Variants in PAX2 observed in about 807,000 individuals in gnomAD.
PAX2 encodes the protein paired box 2.
Under a neutral mutation model 41.7 loss-of-function variants are expected in PAX2, and 9 were observed. That is an observed-to-expected ratio of 0.22 (90% CI 0.13 to 0.38). The LOEUF (loss-of-function observed/expected upper bound fraction) is 0.38, where lower values mean the gene tolerates loss of function less well. Ranked by LOEUF, PAX2 falls within the 10% of genes least tolerant of loss-of-function variation. The probability of loss-of-function intolerance (pLI) is 1.00; values close to 1 mark genes in which losing one functional copy is unlikely to be tolerated. For synonymous variants in PAX2, 221 were observed against 212.7 expected (o/e 1.04, Z -0.34); for missense variants, 418 against 531.6 (o/e 0.79, Z 2.10).
At chr10:100,798,903 C>T (rs951257747) in intron 5 of PAX2, among the ~76,000 whole-genome samples, 2 of 152,254 alleles carry the variant, frequency 1.3e-5, no homozygotes, top group African/African-American at 4.8e-5. Flanking sequence ...TGGGCCTGCA[C>T]AGGCAGGCTG....
In PAX2 at chr10:100,747,674, G is replaced by GA. The variant is rs1413141877; in HGVS notation, c.43+1371_43+1372insA. ...TTTAGCGTTGCGGGGGTTGGGGGGG[G>GA]CGTTTAAAAATACTTCTGGGATAAA... On this transcript the variant is annotated intron_variant, in intron 1 of 9. Transcript: ENST00000355243. The GA allele has an allele frequency of 8.1e-6, 8 of 984,252 alleles. No homozygotes were observed. In the Admixed American group the frequency reaches 1.8e-4, roughly 23 times the overall value. The allele number at this position is 984,252 out of a possible 1,614,324, so 61.0% of individuals were successfully genotyped here. A position where few individuals can be genotyped will look rare whatever the true frequency, so the allele number is the denominator to read the frequency against.
rs759129632 is a variant in PAX2 at position 100,745,948 on chromosome 10, G to T, written c.-313G>T. On this transcript the variant is annotated 5_prime_UTR_variant, in exon 1 of 10. Transcript: ENST00000355243. ...CCCAGCTTCAGCCCTGGCTGCAGCT[G>T]CAGCGCGAGCCATGCGCCCCCAGTG... The T allele has an allele frequency of 1.0e-4, 132 of 1,277,054 alleles. No homozygotes were observed. The highest frequency in any genetic ancestry group is 1.2e-4 in the Non-Finnish European group (126 of 1,012,032). 79.1% of individuals were successfully genotyped at this position (1,277,054 alleles called of 1,614,324 possible).
chr10:100,738,653 C>T (rs1844849957), intron 1 of PAX2, among the ~76,000 whole-genome samples: 1 of 152,204 alleles, frequency 6.6e-6, no homozygotes, highest in African/African-American at 2.4e-5. Context: ...GGGTCTAGAC[C>T]TCCCAGCCCG....
In PAX2 at chr10:100,746,216, G is replaced by A. The variant is rs371896581; in HGVS notation, c.-45G>A. 6 of 1,613,198 alleles carry A rather than the reference G, an allele frequency of 3.7e-6. No homozygotes were observed. The highest frequency in any genetic ancestry group is 5.1e-6 in the Non-Finnish European group (6 of 1,179,738). ...AGTCCTGAAGTTGAGTTTGAGAGGC[G>A]ACACGGCGGCGGCGGCCGCGCTGCT... On this transcript the variant is annotated 5_prime_UTR_variant, in exon 1 of 10. Transcript: ENST00000355243.
At position 100,764,972 on chromosome 10, in the gene PAX2, CAAAG is replaced by C. The variant is rs377653211; in HGVS notation, c.410+14082_410+14085del. ...GAGAGGAGAGAAAATGGAGATAAGA[CAAAG>C]GAAGAAGAAAGAGGAAAGGGAGAAG... is the stretch of plus-strand genomic sequence containing the variant. On this transcript the variant is annotated intron_variant, in intron 3 of 9. Coordinates refer to ENST00000355243, the MANE Select transcript of PAX2 (RefSeq NM_000278.5). Among the ~76,000 whole-genome samples, 698 of 151,888 alleles carry C rather than the reference CAAAG, an allele frequency of 4.6e-3. 5 individuals carry two copies. The highest frequency in any genetic ancestry group is 0.015 in the African/African-American group (642 of 41,422).
In PAX2 at chr10:100,748,739, C is replaced by G; in HGVS notation, c.44-1007C>G. 1.0e-6 allele frequency: 1 copy of G among 985,492 alleles called. No homozygotes were observed. The highest frequency in any genetic ancestry group is 1.2e-6 in the Non-Finnish European group (1 of 829,970). The allele number at this position is 985,492 out of a possible 1,614,324, so 61.0% of individuals were successfully genotyped here. ...TGGAGCCGGGTTGGAAACCCCGTGCCCTTCTCTTGGCCGAAAGAGCAAAAG... is the reference window on the plus strand; with the variant it reads ...TGGAGCCGGGTTGGAAACCCCGTGCGCTTCTCTTGGCCGAAAGAGCAAAAG... On this transcript the variant is annotated intron_variant, in intron 1 of 9. Coordinates refer to ENST00000355243, the MANE Select transcript of PAX2 (RefSeq NM_000278.5). The surrounding 1 kb of genome is among the most constrained non-coding windows in gnomAD (Gnocchi z 5.0).
intron 7 of PAX2, among the ~76,000 whole-genome samples, chr10:100,812,233 C>T (rs1040009247): frequency 1.3e-5 from 2 of 152,254 alleles, no homozygotes; most frequent in Admixed American, 6.5e-5. Flanking sequence ...ATTTTAATTT[C>T]ACTGCATCAC....
At chr10:100,775,617 A>C (rs531416281) in intron 3 of PAX2, among the ~76,000 whole-genome samples, 7 of 152,266 alleles carry the variant, frequency 4.6e-5, no homozygotes, top group Non-Finnish European at 1.0e-4. Context: ...TCTGGGTAAC[A>C]AAGACAGAAA....
Position 100,768,116 on chromosome 10 carries a change from A to C in PAX2, c.411-11382A>C, listed in dbSNP as rs1316122679. On this transcript the variant is annotated intron_variant, in intron 3 of 9. Transcript: ENST00000355243. ...ACACGATTGTGATGTGAAAATCTCAAACACCCCAGGAAGGGAACAATGATG... is the reference window on the plus strand; with the variant it reads ...ACACGATTGTGATGTGAAAATCTCACACACCCCAGGAAGGGAACAATGATG... Among the ~76,000 whole-genome samples the C allele has an allele frequency of 2.0e-5, 3 of 152,288 alleles. No homozygotes were observed. The East Asian group carries it at 5.8e-4, about 29-fold the overall frequency.
intron 1 of PAX2, chr10:100,747,964 C>T (rs1186146621): frequency 4.1e-6 from 4 of 983,438 alleles, no homozygotes; most frequent in Non-Finnish European, 4.8e-6. Context: ...TTCTGCACGG[C>T]CAAGCAGAGG....
rs1054482810 is a variant in PAX2 at position 100,824,224 on chromosome 10, A to T, written c.920-424A>T. On this transcript the variant is annotated intron_variant, in intron 7 of 9. Coordinates refer to ENST00000355243, the MANE Select transcript of PAX2 (RefSeq NM_000278.5). This position sits in a 1 kb window ranked among gnomAD's most constrained non-coding sequence, Gnocchi z 6.6. ...AGGGAGAGGAAAGATAAGCAAGATG[A>T]TAGAGGTCCATTTGGCTGCTGGAGA... Among the ~76,000 whole-genome samples the T allele has an allele frequency of 1.3e-5, 2 of 152,052 alleles. No individual in the cohort carries two copies. Among genetic ancestry groups the T allele is most frequent in the African/African-American group, 4.8e-5 (2 of 41,374 alleles).
chr10:100,829,257 T>TC lies in PAX2; in HGVS notation c.*1643dup. The TC allele has an allele frequency of 4.3e-6, 1 of 230,342 alleles. No individual in the cohort carries two copies. Among genetic ancestry groups the TC allele is most frequent in the African/African-American group, 2.2e-5 (1 of 45,106 alleles). The allele number at this position is 230,342 out of a possible 1,614,324, so 14.3% of individuals were successfully genotyped here. The stretch of plus-strand genomic sequence containing the variant: ...TGCCCCTCTCTCCTCTCCGCTTCTC[T>TC]CCCCCTCTGTCTCTGTCTCTCTCCG... On this transcript the variant is annotated 3_prime_UTR_variant, in exon 10 of 10. Transcript: ENST00000355243.
chr10:100,751,667 C>G (rs1483842394), intron 3 of PAX2, among the ~76,000 whole-genome samples: 1 of 152,198 alleles, frequency 6.6e-6, no homozygotes, highest in East Asian at 1.9e-4. Flanking sequence ...GTCTCCAAAC[C>G]CCTCCAGTGT....
chr10:100,735,610 G>C, exon 1 of PAX2: 2 of 982,892 alleles, frequency 2.0e-6, no homozygotes, highest in East Asian at 5.1e-5. Flanking sequence ...CCAGATCTCC[G>C]GGCGGCGGCG....
chr10:100,827,043 C>G lies in PAX2; in HGVS notation c.1056C>G (p.Pro352=). 6.2e-7 allele frequency: 1 copy of G among 1,613,680 alleles called. No homozygotes were observed. The change falls in exon 9 of 10, where the codon CCC becomes CCG. Residue 352 remains proline, a synonymous_variant. Transcript: ENST00000355243. This position sits in a 1 kb window ranked among gnomAD's most constrained non-coding sequence, Gnocchi z 8.5. ...SEFSGNPYSH[P]QYTAYNEAWR... is the part of the protein sequence containing the mutation. The stretch of plus-strand genomic sequence containing the variant: ...TCTCCGGCAACCCGTACAGCCACCC[C>G]CAGTACACGGCCTACAACGAGGCTT...
intron 3 of PAX2, among the ~76,000 whole-genome samples, chr10:100,775,582 C>T (rs898741945): frequency 1.3e-5 from 2 of 152,164 alleles, no homozygotes; most frequent in Non-Finnish European, 2.9e-5. Context: ...GCTAAATTTG[C>T]GCCAGTGCCC....
intron 3 of PAX2, among the ~76,000 whole-genome samples, chr10:100,757,084 C>T (rs1378428741): frequency 3.3e-5 from 5 of 152,184 alleles, no homozygotes; most frequent in East Asian, 1.9e-4. Context: ...TGTTTTGGGG[C>T]TAGCAAGGCA....
At chr10:100,744,542 T>C (rs960135591), upstream of PAX2, among the ~76,000 whole-genome samples, 8 of 152,160 alleles carry the variant, frequency 5.3e-5, no homozygotes, top group African/African-American at 1.9e-4. Flanking sequence ...GACGTCCCCG[T>C]GGTTGCGCCT....
intron 7 of PAX2, among the ~76,000 whole-genome samples, chr10:100,809,914 G>T (rs1448232500): frequency 6.6e-6 from 1 of 152,206 alleles, no homozygotes; most frequent in Admixed American, 6.5e-5. Context: ...AGTTTGGAAG[G>T]GGAGGTGGAG....
Sources: gnomAD v4.1 joint callset for allele counts (sites outside exome capture counted in the v4.1 genomes callset) on GRCh38, gnomAD v4.1.1 for gene constraint, Gnocchi (gnomAD v3.1) non-coding constraint, MANE v1.5 for transcripts, NCBI Gene and HGNC (gene_info 2026-07-23, HGNC 2026-07-21) for gene names.